The following B3GALT1 variants were observed in gnomAD, a reference collection of about 807,000 sequenced individuals.
B3GALT1 encodes the protein UDP-Gal:betaGlcNAc beta 1,3-galactosyltransferase, polypeptide 1.
B3GALT1 carries 10 observed loss-of-function variants against 23.2 expected under a neutral mutation model. The observed-to-expected ratio is 0.43, with a 90% confidence interval of 0.27 to 0.73. The LOEUF is 0.73. Among genes scored for constraint, B3GALT1 ranks in the 30% least tolerant of loss-of-function variants. The probability of loss-of-function intolerance (pLI) is 0.21; values close to 1 mark genes in which losing one functional copy is unlikely to be tolerated. For synonymous variants in B3GALT1, 156 were observed against 141.5 expected, an observed-to-expected ratio of 1.10 and a Z score of -0.73; for missense variants, 299 against 405.4, an observed-to-expected ratio of 0.74 and a Z score of 2.25.
intron 1 of B3GALT1, among the ~76,000 whole-genome samples, chr2:167,318,238 T>C (rs1474040783): frequency 6.6e-6 from 1 of 151,838 alleles, no homozygotes; most frequent in South Asian, 2.1e-4. Context: ...AGGCAGAGAA[T>C]TGCTTGAACC....
intron 3 of B3GALT1, chr2:167,715,078 T>C: frequency 1.2e-6 from 2 of 1,612,772 alleles, no homozygotes; most frequent in South Asian, 1.1e-5. Flanking sequence ...TTTCTCCTTC[T>C]AAGGCTTTTA....
intron 1 of B3GALT1, among the ~76,000 whole-genome samples, chr2:167,473,348 C>A (rs1189146176): frequency 1.3e-5 from 2 of 151,980 alleles, no homozygotes; most frequent in East Asian, 3.9e-4. Flanking sequence ...CTTTGTTGTT[C>A]CTTGAGAATT....
intron 3 of B3GALT1, among the ~76,000 whole-genome samples, chr2:167,796,791 TA>T (rs1688553097): frequency 6.6e-6 from 1 of 152,116 alleles, no homozygotes; most frequent in Non-Finnish European, 1.5e-5. Flanking sequence ...GAAGGTTTTA[TA>T]AAGAAATTGT....
At chr2:167,411,089 A>C (rs1698384111) in intron 1 of B3GALT1, among the ~76,000 whole-genome samples, 1 of 152,118 alleles carries the variant, frequency 6.6e-6, no homozygotes, top group Admixed American at 6.5e-5. Context: ...TGTTACAAAA[A>C]AAAAAAGTTG....
chr2:167,521,987 T>TATATATATATATATATACAC (rs1574117033), intron 2 of B3GALT1, among the ~76,000 whole-genome samples: 3 of 114,142 alleles, frequency 2.6e-5, no homozygotes, highest in East Asian at 2.0e-4. Flanking sequence ...TGTGTGTGTA[T>TATATATATATATATATACAC]ATATATATAT....
chr2:167,304,016 A>G (rs932167813), intron 1 of B3GALT1, among the ~76,000 whole-genome samples: 5 of 152,102 alleles, frequency 3.3e-5, no homozygotes, highest in East Asian at 1.9e-4. Flanking sequence ...CAGCTTCATC[A>G]AGGTCTTCCA....
At chr2:167,867,807 G>C (rs553616844) in intron 4 of B3GALT1, among the ~76,000 whole-genome samples, 11 of 152,290 alleles carry the variant, frequency 7.2e-5, no homozygotes, top group African/African-American at 2.6e-4. Flanking sequence ...TTCATAACCA[G>C]GCATATAGGA....
At chr2:167,534,269 A>G (rs1683379397) in intron 2 of B3GALT1, among the ~76,000 whole-genome samples, 1 of 152,064 alleles carries the variant, frequency 6.6e-6, no homozygotes, top group African/African-American at 2.4e-5. Context: ...TTGGACCTGC[A>G]TATTCTGTCA....
At chr2:167,702,562 T>C (rs1356905680) in intron 3 of B3GALT1, among the ~76,000 whole-genome samples, 2 of 152,204 alleles carry the variant, frequency 1.3e-5, no homozygotes, top group African/African-American at 4.8e-5. Context: ...AGGGACAATA[T>C]ATAATATGAA....
At chr2:167,346,761 CGTGT>C (rs750555778) in intron 1 of B3GALT1, among the ~76,000 whole-genome samples, 3 of 146,340 alleles carry the variant, frequency 2.1e-5, no homozygotes, top group East Asian at 2.0e-4. Context: ...GGGGGTGGTG[CGTGT>C]GTGTGTGTGT....
At chr2:167,787,493 A>T (rs1274516274) in intron 3 of B3GALT1, among the ~76,000 whole-genome samples, 1 of 152,194 alleles carries the variant, frequency 6.6e-6, no homozygotes, top group African/African-American at 2.4e-5. Context: ...GGTTCTATGT[A>T]TTTGATTCTA....
At chr2:167,333,959 A>G (rs73015867) in intron 1 of B3GALT1, among the ~76,000 whole-genome samples, 2,500 of 152,106 alleles carry the variant, frequency 0.016, 55 homozygotes, top group East Asian at 0.083. Flanking sequence ...CATTTTGAGA[A>G]CTTTGCACTT....
intron 1 of B3GALT1, among the ~76,000 whole-genome samples, chr2:167,435,798 T>G (rs543903608): frequency 1.3e-5 from 2 of 152,308 alleles, no homozygotes; most frequent in South Asian, 4.1e-4. Flanking sequence ...TAGAATTGGC[T>G]GAGTTTAACT....
chr2:167,793,689 C>T (rs549571177), intron 3 of B3GALT1, among the ~76,000 whole-genome samples: 38 of 152,310 alleles, frequency 2.5e-4, no homozygotes, highest in Non-Finnish European at 4.6e-4. Flanking sequence ...ATAAAGCAGA[C>T]ATCTTCAATC....
At chr2:167,482,268 G>T (rs1699571802) in intron 1 of B3GALT1, among the ~76,000 whole-genome samples, 1 of 152,056 alleles carries the variant, frequency 6.6e-6, no homozygotes, top group South Asian at 2.1e-4. Flanking sequence ...ATATTTTTTG[G>T]CTACACGGGG....
intron 3 of B3GALT1, among the ~76,000 whole-genome samples, chr2:167,803,569 G>C (rs1475924134): frequency 6.6e-6 from 1 of 152,154 alleles, no homozygotes; most frequent in Non-Finnish European, 1.5e-5. Context: ...GTAAGGAAGA[G>C]GAGAAATATG....
chr2:167,584,649 T>G (rs1380236198), intron 2 of B3GALT1, among the ~76,000 whole-genome samples: 1 of 152,196 alleles, frequency 6.6e-6, no homozygotes, highest in East Asian at 1.9e-4. Flanking sequence ...CCTGTGATAC[T>G]TTTGACTGAC....
chr2:167,828,162 G>T (rs1689268287), intron 4 of B3GALT1, among the ~76,000 whole-genome samples: 1 of 152,164 alleles, frequency 6.6e-6, no homozygotes, highest in African/African-American at 2.4e-5. Context: ...AGAAGTGGAT[G>T]CTCTACAGTT....
At chr2:167,751,973 C>A (rs1687745877) in intron 3 of B3GALT1, among the ~76,000 whole-genome samples, 1 of 152,104 alleles carries the variant, frequency 6.6e-6, no homozygotes, top group Admixed American at 6.6e-5. Context: ...TGAACTTTTT[C>A]TTTATAAAGT....
Sources: gnomAD v4.1 joint callset for allele counts (sites outside exome capture counted in the v4.1 genomes callset) on GRCh38, gnomAD v4.1.1 for gene constraint, MANE v1.5 for transcripts, NCBI Gene and HGNC (gene_info 2026-07-23, HGNC 2026-07-21) for gene names.